NR5A2: variants seen among roughly 807,000 people sequenced by gnomAD.
NR5A2 encodes CYP7A promoter-binding factor.
A neutral mutation model predicts 62.7 loss-of-function variants in NR5A2; 26 were observed. The ratio of observed to expected loss-of-function variants is 0.41; its 90% CI spans 0.30 to 0.58. The LOEUF (loss-of-function observed/expected upper bound fraction) is 0.58, where lower values mean the gene tolerates loss of function less well. Among genes scored for constraint, NR5A2 ranks in the 20% least tolerant of loss-of-function variants. The probability of loss-of-function intolerance (pLI) is 0.22; values close to 1 mark genes in which losing one functional copy is unlikely to be tolerated. For missense variants in NR5A2, 541 were observed against 669.1 expected, an observed-to-expected ratio of 0.81 and a Z score of 2.11; for synonymous variants, 246 against 241.7, an observed-to-expected ratio of 1.02 and a Z score of -0.16.
chr1:200,053,819 T>A (rs1662780146), intron 5 of NR5A2, among the ~76,000 whole-genome samples: 1 of 152,198 alleles, frequency 6.6e-6, no homozygotes, highest in Non-Finnish European at 1.5e-5. Context: ...CACTGGGGTA[T>A]CATTCAGTAC....
Position 200,142,188 on chromosome 1 carries a change from C to CTT in NR5A2, c.1378+21261_1378+21262dup, listed in dbSNP as rs535827114. On this transcript the variant is annotated intron_variant, in intron 7 of 7. Coordinates refer to ENST00000367362, the MANE Select transcript of NR5A2 (RefSeq NM_205860.3). ...TAATTGTTTTTTGTTTTAAAGACTT[C>CTT]TTTTTTTTTTTTTTTTTTTTTTTTT... Among the ~76,000 whole-genome samples, 147 of 55,406 alleles carry CTT rather than the reference C, an allele frequency of 2.7e-3. 11 individuals carry two copies. The highest frequency in any genetic ancestry group is 9.2e-3 in the African/African-American group (141 of 15,278). The allele number at this position is 55,406 out of a possible 152,430, so 36.3% of individuals were successfully genotyped here.
At chr1:200,080,751 A>T (rs544583675) in intron 5 of NR5A2, among the ~76,000 whole-genome samples, 2 of 152,360 alleles carry the variant, frequency 1.3e-5, no homozygotes, top group South Asian at 4.1e-4. Flanking sequence ...AACTACAAGA[A>T]GTTAATATTG....
chr1:200,052,830 C>T (rs571774452), intron 5 of NR5A2, among the ~76,000 whole-genome samples: 143 of 152,134 alleles, frequency 9.4e-4, no homozygotes, highest in Middle Eastern at 3.4e-3. Flanking sequence ...TTAGTAGAGA[C>T]GGTGTTTCAC....
In NR5A2 at chr1:200,048,773, C is replaced by G. The variant is rs1263413647; in HGVS notation, c.1065C>G (p.Ser355=). The change falls in exon 5 of 8, where the codon TCC becomes TCG. Residue 355 remains serine (S), a synonymous_variant. Transcript: ENST00000367362. This position sits in a 1 kb window ranked among gnomAD's most constrained non-coding sequence, Gnocchi z 4.8. ...MCKMADQTLF[S]IVEWARSSIF... is the part of the protein sequence containing the mutation. ...AAATGGCAGATCAAACTCTCTTCTC[C>G]ATTGTCGAGTGGGCCAGGAGTAGTA... is the stretch of plus-strand genomic sequence containing the variant. The G allele has an allele frequency of 6.2e-7, 1 of 1,614,204 alleles. No homozygotes were observed. The highest frequency in any genetic ancestry group is 1.1e-5 in the South Asian group (1 of 91,082).
At chr1:200,043,009 T>C in intron 2 of NR5A2, 1 of 985,398 alleles carries the variant, frequency 1.0e-6, no homozygotes, top group Non-Finnish European at 1.2e-6. Flanking sequence ...GTGAGGTTCA[T>C]TACAGGGCTT....
chr1:200,042,335 T>A (rs558591217), intron 2 of NR5A2, among the ~76,000 whole-genome samples: 526 of 152,258 alleles, frequency 3.5e-3, no homozygotes, highest in African/African-American at 0.012. Flanking sequence ...GTGCTGCAAG[T>A]GACCCCCCTG....
At chr1:200,041,799 G>C (rs1662097568) in intron 2 of NR5A2, among the ~76,000 whole-genome samples, 1 of 152,170 alleles carries the variant, frequency 6.6e-6, no homozygotes, top group Admixed American at 6.5e-5. Flanking sequence ...TTTTTCAAGA[G>C]AGTCTCTACC....
At chr1:200,113,481 G>A (rs1436231907) in intron 6 of NR5A2, among the ~76,000 whole-genome samples, 2 of 152,168 alleles carry the variant, frequency 1.3e-5, no homozygotes, top group Non-Finnish European at 2.9e-5. Context: ...TTCATAGGAT[G>A]GAAGCAAAAG....
At chr1:200,150,352 G>A (rs866106234) in intron 7 of NR5A2, among the ~76,000 whole-genome samples, 2 of 152,180 alleles carry the variant, frequency 1.3e-5, no homozygotes, top group Non-Finnish European at 1.5e-5. Context: ...TCAACATGGT[G>A]TAAAGACAAA....
At chr1:200,071,947 A>G (rs529585538) in intron 5 of NR5A2, among the ~76,000 whole-genome samples, 4 of 152,334 alleles carry the variant, frequency 2.6e-5, no homozygotes, top group African/African-American at 9.6e-5. Flanking sequence ...AACAATCTAT[A>G]CTATATGATA....
At chr1:200,129,338 A>G (rs545585472) in intron 7 of NR5A2, among the ~76,000 whole-genome samples, 3 of 152,230 alleles carry the variant, frequency 2.0e-5, no homozygotes, top group South Asian at 4.1e-4. Context: ...CTGATCTCAC[A>G]TCTCACTTAA....
Position 200,174,218 on chromosome 1 carries a change from C to T in NR5A2, c.*8C>T, listed in dbSNP as rs1229729513. ...CATGCCAAAAGAGCATAAGTTACAA[C>T]CCCTAGGAGCTCTGCTTTCAAAACA... On this transcript the variant is annotated 3_prime_UTR_variant, in exon 8 of 8. Transcript: ENST00000367362. 5 of 1,541,512 alleles carry T rather than the reference C, an allele frequency of 3.2e-6. No homozygotes were observed. The highest frequency in any genetic ancestry group is 2.0e-5 in the Admixed American group (1 of 50,686).
chr1:200,095,480 G>A (rs1665044510), intron 5 of NR5A2, among the ~76,000 whole-genome samples: 1 of 152,166 alleles, frequency 6.6e-6, no homozygotes, highest in African/African-American at 2.4e-5. Context: ...AATGTTGTTA[G>A]ATACTGTCTC....
intron 1 of NR5A2, among the ~76,000 whole-genome samples, chr1:200,032,277 G>A (rs2977425): frequency 0.17 from 25,505 of 152,162 alleles, 2,673 homozygotes; most frequent in African/African-American, 0.3. Context: ...GTGTTGAAAT[G>A]TGACCAATAT....
intron 6 of NR5A2, among the ~76,000 whole-genome samples, chr1:200,116,945 G>A (rs1558149006): frequency 6.6e-6 from 1 of 152,112 alleles, no homozygotes; most frequent in Non-Finnish European, 1.5e-5. Context: ...AAGGTCTACT[G>A]GCAACTTATT....
At chr1:200,146,944 A>G (rs796996786) in intron 7 of NR5A2, among the ~76,000 whole-genome samples, 4 of 146,980 alleles carry the variant, frequency 2.7e-5, no homozygotes, top group African/African-American at 9.9e-5. Flanking sequence ...TTATGTATGT[A>G]TCCTTATCCT....
intron 4 of NR5A2, among the ~76,000 whole-genome samples, chr1:200,047,449 GT>G (rs1402440467): frequency 6.6e-6 from 1 of 152,108 alleles, no homozygotes; most frequent in Non-Finnish European, 1.5e-5. Flanking sequence ...CCAAAATTGG[GT>G]AACTCAGTTC....
intron 5 of NR5A2, among the ~76,000 whole-genome samples, chr1:200,052,803 G>A (rs1220726690): frequency 6.6e-6 from 1 of 151,886 alleles, no homozygotes; most frequent in African/African-American, 2.4e-5. Flanking sequence ...CACCACGCCG[G>A]CTAATTTTTT....
chr1:200,028,441 AAAC>A (rs1661428460), intron 1 of NR5A2, among the ~76,000 whole-genome samples: 1 of 151,642 alleles, frequency 6.6e-6, no homozygotes, highest in African/African-American at 2.4e-5. Flanking sequence ...AAAAAAAAAA[AAAC>A]CAAAAAAACT....
Sources: allele counts gnomAD v4.1 joint callset (sites outside exome capture counted in the v4.1 genomes callset), GRCh38; gene constraint gnomAD v4.1.1; non-coding constraint Gnocchi (gnomAD v3.1); transcripts MANE v1.5; gene names NCBI Gene and HGNC (gene_info 2026-07-23, HGNC 2026-07-21).